PTPRN2: variants seen among roughly 807,000 people sequenced by gnomAD.
The protein encoded by PTPRN2 is receptor-type tyrosine-protein phosphatase N2.
A neutral mutation model predicts 118.8 loss-of-function variants in PTPRN2; 74 were observed. That is an observed-to-expected ratio of 0.62 (90% CI 0.52 to 0.76). The LOEUF (loss-of-function observed/expected upper bound fraction) is 0.76, where lower values mean the gene tolerates loss of function less well. PTPRN2 is among the 30% of genes least tolerant of loss of function. PTPRN2 has a pLI of 0.00. For synonymous variants in PTPRN2, 641 were observed against 608.0 expected (o/e 1.05, Z -0.80); for missense variants, 1,481 against 1,394.4 (o/e 1.06, Z -0.99).
chr7:158,156,915 G>A (rs1563531720), intron 6 of PTPRN2, among the ~76,000 whole-genome samples: 1 of 152,088 alleles, frequency 6.6e-6, no homozygotes, highest in African/African-American at 2.4e-5. Context: ...GGCTCTGGAA[G>A]GCCTCCCCAT....
chr7:157,885,960 T>G (rs1288187535), intron 12 of PTPRN2, among the ~76,000 whole-genome samples: 3 of 152,212 alleles, frequency 2.0e-5, no homozygotes, highest in African/African-American at 7.2e-5. Context: ...TCACAACTGT[T>G]GCTGCCACTG....
intron 3 of PTPRN2, among the ~76,000 whole-genome samples, chr7:158,212,091 G>A (rs1827641281): frequency 6.6e-6 from 1 of 152,194 alleles, no homozygotes; most frequent in Admixed American, 6.5e-5. Flanking sequence ...AAATCATTAT[G>A]TTAAGTGAAA....
chr7:157,694,655 A>T (rs543591056), intron 12 of PTPRN2, among the ~76,000 whole-genome samples: 2 of 152,358 alleles, frequency 1.3e-5, no homozygotes, highest in South Asian at 4.1e-4. Context: ...CCAGGGCAGG[A>T]AAATGTATCT....
intron 2 of PTPRN2, among the ~76,000 whole-genome samples, chr7:158,328,155 T>C (rs2151138372): frequency 6.6e-6 from 1 of 152,198 alleles, no homozygotes; most frequent in South Asian, 2.1e-4. Context: ...TCTCAGGGAG[T>C]AGAAACTGCT....
rs1814933736 is a variant in PTPRN2 at position 158,099,005 on chromosome 7, CCCA to C, written c.1643+11821_1643+11823del. Among the ~76,000 whole-genome samples, 22 of 30,170 alleles carry C rather than the reference CCCA, an allele frequency of 7.3e-4. No individual in the cohort carries two copies. In the East Asian group the frequency reaches 0.014, roughly 20 times the overall value. 19.8% of individuals were successfully genotyped at this position (30,170 alleles called of 152,430 possible). ...CATCCCGGCTGCCTCCCCTTCCTCC[CCCA>C]ACACATCCCGGCTGCCTCCCCTTCC... On this transcript the variant is annotated intron_variant, in intron 10 of 22. Coordinates refer to ENST00000389418, the MANE Select transcript of PTPRN2 (RefSeq NM_002847.5).
intron 11 of PTPRN2, among the ~76,000 whole-genome samples, chr7:157,910,412 G>C (rs534415578): frequency 6.9e-6 from 1 of 145,484 alleles, no homozygotes; most frequent in African/African-American, 2.6e-5. Flanking sequence ...CCAGGATCAC[G>C]CACGTACGCC....
At chr7:158,404,355 C>G (rs533613743) in intron 2 of PTPRN2, among the ~76,000 whole-genome samples, 17 of 152,280 alleles carry the variant, frequency 1.1e-4, no homozygotes, top group South Asian at 1.0e-3. Flanking sequence ...GACAGAGATT[C>G]TGTGTGTGCC....
chr7:157,565,241 C>T (rs1354329224), intron 21 of PTPRN2, among the ~76,000 whole-genome samples: 1 of 152,240 alleles, frequency 6.6e-6, no homozygotes, highest in Non-Finnish European at 1.5e-5. Flanking sequence ...ACCCCACCGT[C>T]CACTCACATT....
intron 1 of PTPRN2, among the ~76,000 whole-genome samples, chr7:158,556,596 T>C (rs1008588216): frequency 4.7e-5 from 7 of 150,320 alleles, no homozygotes; most frequent in Non-Finnish European, 7.4e-5. Flanking sequence ...GTTATATAAA[T>C]AGATGTTTGA....
intron 12 of PTPRN2, among the ~76,000 whole-genome samples, chr7:157,823,502 C>A (rs942036159): frequency 6.6e-6 from 1 of 152,178 alleles, no homozygotes; most frequent in Non-Finnish European, 1.5e-5. Flanking sequence ...AGCTGGACTC[C>A]ATCTATTATT....
intron 6 of PTPRN2, among the ~76,000 whole-genome samples, chr7:158,162,405 G>C (rs1822440167): frequency 6.6e-6 from 1 of 152,124 alleles, no homozygotes; most frequent in Non-Finnish European, 1.5e-5. Flanking sequence ...GGATTATAAT[G>C]TAATAATACA....
At position 157,895,990 on chromosome 7, in the gene PTPRN2, C is replaced by T. The variant is rs542094560; in HGVS notation, c.1788+2683G>A. Among the ~76,000 whole-genome samples, 49 of 152,154 alleles carry T rather than the reference C, an allele frequency of 3.2e-4. 1 individual carries two copies. The South Asian group carries it at 1.0e-2, about 31-fold the overall frequency. On this transcript the variant is annotated intron_variant, in intron 12 of 22. Coordinates refer to ENST00000389418, the MANE Select transcript of PTPRN2 (RefSeq NM_002847.5). ...GTAGCTCTGCAGAGTCAAGAAGGGG[C>T]CTGAGTGAAAGGGAGCACCAAGTAT...
At chr7:157,842,772 G>T (rs924605056) in intron 12 of PTPRN2, among the ~76,000 whole-genome samples, 1 of 152,130 alleles carries the variant, frequency 6.6e-6, no homozygotes, top group African/African-American at 2.4e-5. Context: ...TTTGATTTCA[G>T]ATCAGAGGGA....
In PTPRN2 at chr7:158,138,327, G is replaced by C. The variant is rs142552460; in HGVS notation, c.1099C>G (p.Pro367Ala). Residue 367 changes from proline (P) to alanine (A), a missense_variant, in exon 7 of 23, where the codon CCC becomes GCC. By Grantham distance (27) the Pro-to-Ala change is conservative. Around this residue, in one of 3 missense-constraint regions of PTPRN2, gnomAD observed 1,115 missense variants for 994.2 expected, o/e 1.12. Coordinates refer to ENST00000389418, the MANE Select transcript of PTPRN2 (RefSeq NM_002847.5). ...LGESGEQADG[P>A]KATLRGDSFP... ...CTGTCTCCACGGAGGGTGGCCTTGG[G>C]GCCATCCGCCTGTTCTCCAGACTCT... 3 of 1,613,454 alleles carry C rather than the reference G, an allele frequency of 1.9e-6. No homozygotes were observed. The South Asian group carries it at 3.3e-5, about 18-fold the overall frequency.
chr7:157,606,585 G>C (rs1381100497), intron 15 of PTPRN2, among the ~76,000 whole-genome samples: 1 of 152,178 alleles, frequency 6.6e-6, no homozygotes, highest in Non-Finnish European at 1.5e-5. Flanking sequence ...ACCCTCGCTG[G>C]AGCCCTCGGA....
chr7:157,812,000 A>G (rs1262989948), intron 12 of PTPRN2, among the ~76,000 whole-genome samples: 3 of 152,160 alleles, frequency 2.0e-5, no homozygotes, highest in Non-Finnish European at 4.4e-5. Context: ...TGGCTCAGTG[A>G]AAAAAGCCTC....
intron 6 of PTPRN2, among the ~76,000 whole-genome samples, chr7:158,152,908 G>C (rs562842131): frequency 7.3e-6 from 1 of 136,342 alleles, no homozygotes; most frequent in East Asian, 2.2e-4. Context: ...CAGCACGCCA[G>C]CAGGCCACCG....
intron 2 of PTPRN2, among the ~76,000 whole-genome samples, chr7:158,474,564 C>G (rs546276748): frequency 4.2e-4 from 64 of 152,346 alleles, no homozygotes; most frequent in African/African-American, 1.5e-3. Context: ...CCCATGTGCC[C>G]GCCCAAACTA....
chr7:158,240,934 A>G (rs114210413), intron 3 of PTPRN2, among the ~76,000 whole-genome samples: 1,702 of 152,324 alleles, frequency 0.011, 36 homozygotes, highest in African/African-American at 0.038. Flanking sequence ...CTTTCCAGGC[A>G]GAGGCCTCTG....
Sources: allele counts gnomAD v4.1 joint callset (sites outside exome capture counted in the v4.1 genomes callset), GRCh38; gene constraint gnomAD v4.1.1; regional missense constraint gnomAD v4.1.1; transcripts MANE v1.5; gene names NCBI Gene and HGNC (gene_info 2026-07-23, HGNC 2026-07-21).